Variants in RERE observed in about 807,000 individuals in gnomAD.
RERE encodes the protein arginine-glutamic acid dipeptide repeats.
Under a neutral mutation model 146.1 loss-of-function variants are expected in RERE, and 40 were observed. That is an observed-to-expected ratio of 0.27 (90% CI 0.21 to 0.36). The LOEUF (loss-of-function observed/expected upper bound fraction) is 0.36. RERE is among the 10% of genes least tolerant of loss of function. The pLI is 1.00. For missense variants in RERE, 1,933 were observed against 2,138.7 expected (o/e 0.90, Z 1.90); for synonymous variants, 1,003 against 866.0 (o/e 1.16, Z -2.78).
chr1:8,403,744 G>C lies in RERE; in HGVS notation c.1284+18983C>G, dbSNP rs144537773. Among the ~76,000 whole-genome samples the C allele has an allele frequency of 1.3e-4, 20 of 148,756 alleles. No homozygotes were observed. The East Asian group carries it at 4.0e-3, about 30-fold the overall frequency. ...TTTTCCTCCCATTTCATTAATATCT[G>C]CTATTACCTTTATGTTTCCTTGTTA... On this transcript the variant is annotated intron_variant, in intron 12 of 22. Coordinates refer to ENST00000400908, the MANE Select transcript of RERE (RefSeq NM_001042681.2).
At chr1:8,794,164 G>A (rs962778354) in intron 1 of RERE, among the ~76,000 whole-genome samples, 4 of 150,910 alleles carry the variant, frequency 2.7e-5, no homozygotes, top group African/African-American at 7.3e-5. Flanking sequence ...TTGGGAGGCC[G>A]AGGTGGGCAG....
chr1:8,592,416 G>A (rs1336725238), intron 4 of RERE, among the ~76,000 whole-genome samples: 1 of 152,072 alleles, frequency 6.6e-6, no homozygotes, highest in Non-Finnish European at 1.5e-5. Context: ...GACTACAGGT[G>A]CATACCACCA....
At chr1:8,532,520 A>G (rs1242978563) in intron 7 of RERE, among the ~76,000 whole-genome samples, 1 of 152,200 alleles carries the variant, frequency 6.6e-6, no homozygotes, top group Non-Finnish European at 1.5e-5. Context: ...TCCTGGGTTC[A>G]ATAGATTCTC....
At position 8,360,568 on chromosome 1, in the gene RERE, G is replaced by A. The variant is rs771866342; in HGVS notation, c.2939C>T (p.Pro980Leu). The A allele has an allele frequency of 8.2e-7, 1 of 1,221,048 alleles. No individual in the cohort carries two copies. Among genetic ancestry groups the A allele is most frequent in the Admixed American group, 2.6e-5 (1 of 38,332 alleles). The allele number at this position is 1,221,048 out of a possible 1,614,324, so 75.6% of individuals were successfully genotyped here. A position where few individuals can be genotyped will look rare whatever the true frequency, so the allele number is the denominator to read the frequency against. Residue 980 changes from proline (P) to leucine (L), a missense_variant, in exon 18 of 23, where the codon CCC (proline) becomes CTC (leucine). Around this residue, in one of 11 missense-constraint regions of RERE, gnomAD observed 1,255 missense variants for 1,153.8 expected, o/e 1.09. Transcript: ENST00000400908. ...KPLSSLSTHHPPSAHPPPLQL... is the reference protein window; with the variant it reads ...KPLSSLSTHHLPSAHPPPLQL... ...CAGGGGTGGGGGGTGAGCCGACGGG[G>A]GGTGATGTGTGGACAGGGAGCTCAG...
chr1:8,575,336 A>T (rs769399560), intron 4 of RERE, among the ~76,000 whole-genome samples: 22 of 151,606 alleles, frequency 1.5e-4, no homozygotes, highest in Admixed American at 2.0e-4. Flanking sequence ...GTCACAGGGC[A>T]CCTTTCCATA....
At chr1:8,579,238 T>G (rs1034625727) in intron 4 of RERE, among the ~76,000 whole-genome samples, 3 of 147,060 alleles carry the variant, frequency 2.0e-5, no homozygotes, top group South Asian at 4.3e-4. Context: ...AAAACAAGAA[T>G]CAAGAAAACG....
rs112009419 is a variant in RERE, at chr1:8,649,729, CAAA to C, written c.325+6241_325+6243del. On this transcript the variant is annotated intron_variant, in intron 2 of 22. Coordinates refer to ENST00000400908, the MANE Select transcript of RERE (RefSeq NM_001042681.2). The stretch of plus-strand genomic sequence containing the variant: ...TGCATGACAGGGCAAGACTCCGTCT[CAAA>C]AAAAAAAAAAAAAATGTATATATAT... Among the ~76,000 whole-genome samples, 9 of 78,724 alleles carry C rather than the reference CAAA, an allele frequency of 1.1e-4. 1 individual carries two copies. Among genetic ancestry groups the C allele is most frequent in the African/African-American group, 4.2e-4 (9 of 21,536 alleles). 51.6% of individuals were successfully genotyped at this position (78,724 alleles called of 152,430 possible). A position where few individuals can be genotyped will look rare whatever the true frequency, so the allele number is the denominator to read the frequency against.
intron 1 of RERE, among the ~76,000 whole-genome samples, chr1:8,785,158 G>A (rs1641237134): frequency 6.6e-6 from 1 of 152,158 alleles, no homozygotes; most frequent in Non-Finnish European, 1.5e-5. Flanking sequence ...AAGACCTTGA[G>A]AAACCATAGA....
chr1:8,528,685 A>T (rs542434446), intron 7 of RERE, among the ~76,000 whole-genome samples: 36 of 152,322 alleles, frequency 2.4e-4, no homozygotes, highest in African/African-American at 8.4e-4. Flanking sequence ...TTAAGGATAT[A>T]GAATAAGCAA....
chr1:8,749,418 T>C (rs990329635), intron 1 of RERE, among the ~76,000 whole-genome samples: 31 of 151,414 alleles, frequency 2.0e-4, no homozygotes, highest in Admixed American at 2.0e-3. Flanking sequence ...AACAACACAA[T>C]TTTGCTCTGG....
At chr1:8,797,271 A>G (rs1045261901) in intron 1 of RERE, among the ~76,000 whole-genome samples, 1 of 152,194 alleles carries the variant, frequency 6.6e-6, no homozygotes, top group Non-Finnish European at 1.5e-5. Context: ...TGCTTTAAAA[A>G]TAACTGTGTG....
At chr1:8,355,241 G>T in intron 22 of RERE, 121 bp from the exon 23 acceptor site, 1 of 1,189,284 alleles carries the variant, frequency 8.4e-7, no homozygotes, top group Non-Finnish European at 1.2e-6. Flanking sequence ...AGCCTCCTGT[G>T]TAGCTGACCT....
intron 1 of RERE, among the ~76,000 whole-genome samples, chr1:8,659,113 G>T (rs1474358281): frequency 1.3e-5 from 2 of 152,194 alleles, no homozygotes; most frequent in Non-Finnish European, 2.9e-5. Flanking sequence ...GCCTACAAAA[G>T]TTTTGCCCAG....
intron 4 of RERE, among the ~76,000 whole-genome samples, chr1:8,577,575 C>G (rs892479447): frequency 6.6e-6 from 1 of 152,158 alleles, no homozygotes; most frequent in African/African-American, 2.4e-5. Context: ...TCCTTGGCCC[C>G]CCATACTCAT....
chr1:8,544,568 G>A (rs1031010451), intron 6 of RERE, among the ~76,000 whole-genome samples: 6 of 152,126 alleles, frequency 3.9e-5, no homozygotes, highest in Admixed American at 1.3e-4. Flanking sequence ...AGCTTTAGAA[G>A]AGGAAAAAAT....
At chr1:8,785,859 T>C (rs534830043) in intron 1 of RERE, among the ~76,000 whole-genome samples, 34 of 152,296 alleles carry the variant, frequency 2.2e-4, no homozygotes, top group Non-Finnish European at 3.8e-4. Flanking sequence ...TGACCTCAAG[T>C]GATCTGCCCA....
intron 2 of RERE, among the ~76,000 whole-genome samples, chr1:8,651,744 G>A (rs1265163917): frequency 9.9e-5 from 15 of 151,444 alleles, no homozygotes; most frequent in African/African-American, 3.6e-4. Context: ...AAAAAAATCA[G>A]GAAACAAAAC....
In RERE at chr1:8,678,300, T is replaced by C. The variant is rs1638887034; in HGVS notation, c.-144-21859A>G. 2.6e-5 allele frequency among the ~76,000 whole-genome samples: 4 copies of C among 152,158 alleles called. No individual in the cohort carries two copies. The South Asian group carries it at 8.3e-4, about 32-fold the overall frequency. On this transcript the variant is annotated intron_variant, in intron 1 of 22. Transcript: ENST00000400908. ...AAACAATATGGTTTTCATTAACGTT[T>C]TTCTTAAATACTTAAAAAAAACAGG...
intron 11 of RERE, chr1:8,429,937 C>T (rs1381418116): frequency 1.3e-5 from 2 of 152,190 alleles, no homozygotes; most frequent in Non-Finnish European, 2.9e-5. Context: ...AGACACAGAG[C>T]AGCAGACGAA....
Sources: gnomAD v4.1 joint callset for allele counts (sites outside exome capture counted in the v4.1 genomes callset) on GRCh38, gnomAD v4.1.1 for gene constraint, gnomAD v4.1.1 regional missense constraint, MANE v1.5 for transcripts, NCBI Gene and HGNC (gene_info 2026-07-23, HGNC 2026-07-21) for gene names.